The following FKBP9 variants were observed in gnomAD, a reference collection of about 807,000 sequenced individuals.
FKBP9 encodes the protein peptidyl-prolyl cis-trans isomerase FKBP9.
In FKBP9, 27 loss-of-function variants were observed where a neutral mutation model predicts 55.6. That is an observed-to-expected ratio of 0.49 (90% CI 0.36 to 0.67). FKBP9 has a LOEUF of 0.67. Ranked by LOEUF, FKBP9 falls within the 30% of genes least tolerant of loss-of-function variation. FKBP9 has a pLI of 0.00. For synonymous variants in FKBP9, 267 were observed against 296.5 expected, an observed-to-expected ratio of 0.90 and a Z score of 1.02; for missense variants, 539 against 742.8, an observed-to-expected ratio of 0.73 and a Z score of 3.19.
At chr7:32,985,178 CTT>C (rs1444286814) in intron 5 of FKBP9, among the ~76,000 whole-genome samples, 11 of 111,434 alleles carry the variant, frequency 9.9e-5, no homozygotes, top group Middle Eastern at 4.3e-3. Flanking sequence ...TTCTTTCTTT[CTT>C]TTTTTTTTTT....
chr7:32,972,726 C>G (rs1470235537), intron 1 of FKBP9, among the ~76,000 whole-genome samples: 6 of 151,698 alleles, frequency 4.0e-5, no homozygotes, highest in Non-Finnish European at 8.8e-5. Context: ...GTTCCCCCCC[C>G]ACCCTTTTTG....
chr7:33,000,448 C>T (rs1279873087), intron 8 of FKBP9, among the ~76,000 whole-genome samples, 188 bp downstream of exon 8: 8 of 152,112 alleles, frequency 5.3e-5, no homozygotes, highest in Non-Finnish European at 1.2e-4. Context: ...CAGTGAGCCA[C>T]GTCAATGCTC....
At chr7:32,957,978 C>G (rs73689271) in intron 1 of FKBP9, among the ~76,000 whole-genome samples, 184 bp downstream of exon 1, 2,124 of 152,350 alleles carry the variant, frequency 0.014, 50 homozygotes, top group African/African-American at 0.048. Context: ...CCGGCCCTCA[C>G]GTGCCCTAGG....
chr7:32,997,461 C>T (rs1477305254), intron 7 of FKBP9, among the ~76,000 whole-genome samples: 2 of 152,146 alleles, frequency 1.3e-5, no homozygotes, highest in Non-Finnish European at 2.9e-5. Context: ...AAATGATCCT[C>T]CCCTCTTGGC....
At chr7:32,983,850 C>A (rs757242785) in intron 5 of FKBP9, among the ~76,000 whole-genome samples, 8 of 152,164 alleles carry the variant, frequency 5.3e-5, no homozygotes, top group Non-Finnish European at 1.0e-4. Flanking sequence ...TGAGTACTTT[C>A]TTTTGTGAAC....
rs1282511961 is a variant in FKBP9, at chr7:33,005,288, T to C, written c.1650T>C (p.Asp550=). 1.9e-6 allele frequency: 3 copies of C among 1,613,998 alleles called. No individual in the cohort carries two copies. Among genetic ancestry groups the C allele is most frequent in the East Asian group, 4.5e-5 (2 of 44,876 alleles). The part of the protein sequence containing the change: ...NMFTNQDRNG[D]GKVTAEEFKL... ...TCACCAACCAGGACCGGAATGGAGA[T>C]GGGAAGGTCACAGCCGAGGAATTTA... The change falls in exon 10 of 10, where the codon GAT becomes GAC. Residue 550 remains aspartate (D), a synonymous_variant. Transcript: ENST00000242209.
Position 32,957,636 on chromosome 7 carries a change from C to T in FKBP9, c.63C>T (p.Thr21=), listed in dbSNP as rs775923992. The T allele has an allele frequency of 5.3e-6, 8 of 1,497,750 alleles. No homozygotes were observed. Among genetic ancestry groups the T allele is most frequent in the East Asian group, 2.8e-5 (1 of 35,428 alleles). The allele number at this position is 1,497,750 out of a possible 1,614,324, so 92.8% of individuals were successfully genotyped here. Reference sequence around the variant, plus strand: ...TGCTCCTGCTGCTGCTCTGGGTGACCGGGCAGGCAGCGCCCGTGGCGGGCC... The same window carrying T: ...TGCTCCTGCTGCTGCTCTGGGTGACTGGGCAGGCAGCGCCCGTGGCGGGCC... ...PPLLLLLLWV[T]GQAAPVAGLG... Residue 21 remains threonine (T), a synonymous_variant, in exon 1 of 10, where the codon ACC becomes ACT. Coordinates refer to ENST00000242209, the MANE Select transcript of FKBP9 (RefSeq NM_007270.5).
intron 8 of FKBP9, among the ~76,000 whole-genome samples, chr7:33,001,212 G>C (rs1023838016): frequency 1.3e-5 from 2 of 152,190 alleles, no homozygotes; most frequent in African/African-American, 4.8e-5. Context: ...AAAGTACATT[G>C]TTCTTCCTAC....
At position 32,974,666 on chromosome 7, in the gene FKBP9, A is replaced by T; in HGVS notation, c.271A>T (p.Ile91Phe). 1 of 1,613,920 alleles carries T rather than the reference A, an allele frequency of 6.2e-7. No individual in the cohort carries two copies. The highest frequency in any genetic ancestry group is 1.1e-5 in the South Asian group (1 of 91,076). The change falls in exon 2 of 10, where the codon ATC becomes TTC. Residue 91 changes from isoleucine (I) to phenylalanine (F), a missense_variant. Physicochemically the swap from Ile to Phe is conservative, Grantham distance 21. Around this residue, in one of 4 missense-constraint regions of FKBP9, gnomAD observed 236 missense variants for 271.5 expected, o/e 0.87. Transcript: ENST00000242209. ...TGTGTTTGTGGGAAAAGGACAGCTG[A>T]TCACAGGGATGGACCAGGCTCTTGT... The part of the protein sequence containing the change: ...FNVFVGKGQL[I>F]TGMDQALVGM...
intron 1 of FKBP9, among the ~76,000 whole-genome samples, chr7:32,971,540 G>A (rs1287838244): frequency 6.6e-6 from 1 of 151,856 alleles, no homozygotes; most frequent in Non-Finnish European, 1.5e-5. Context: ...GAGTGCCAGG[G>A]TATGATCTTG....
Position 33,002,833 on chromosome 7 carries a change from G to A in FKBP9, c.1530G>A (p.Leu510=), listed in dbSNP as rs1301854634. 1 of 1,613,306 alleles carries A rather than the reference G, an allele frequency of 6.2e-7. No individual in the cohort carries two copies. The highest frequency in any genetic ancestry group is 1.3e-5 in the African/African-American group (1 of 74,924). ...IDKDGNGEVL[L]EEFSEYIHAQ... The stretch of plus-strand genomic sequence containing the variant: ...AGGATGGCAACGGAGAAGTCCTCCT[G>A]GAAGAGGTAACTAACTGGCCTCTGT... Residue 510 remains leucine, a synonymous_variant, in exon 9 of 10, where the codon CTG becomes CTA. Coordinates refer to ENST00000242209, the MANE Select transcript of FKBP9 (RefSeq NM_007270.5).
rs1441633684 is a variant in FKBP9 at position 32,996,888 on chromosome 7, G to A, written c.1226+539G>A. Among the ~76,000 whole-genome samples, 15 of 140,782 alleles carry A rather than the reference G, an allele frequency of 1.1e-4. 1 individual carries two copies. Among genetic ancestry groups the A allele is most frequent in the Admixed American group, 8.5e-4 (11 of 12,992 alleles). The allele number at this position is 140,782 out of a possible 152,430, so 92.4% of individuals were successfully genotyped here. ...TGGCTCACTGCAAGCTCCGCTTCCC[G>A]GGTTCACGCCATTCTCCTGCCTCAG... On this transcript the variant is annotated intron_variant, in intron 7 of 9. Transcript: ENST00000242209.
chr7:32,966,913 C>G (rs549823224), intron 1 of FKBP9, among the ~76,000 whole-genome samples: 2 of 152,160 alleles, frequency 1.3e-5, no homozygotes, highest in African/African-American at 4.8e-5. Context: ...GGCCCCACCT[C>G]CAACACTGGG....
At chr7:32,983,607 G>A (rs981575801) in intron 5 of FKBP9, among the ~76,000 whole-genome samples, 7 of 152,158 alleles carry the variant, frequency 4.6e-5, no homozygotes, top group Admixed American at 1.3e-4. Context: ...GAGCCACTGC[G>A]CCCAGTGGTT....
intron 5 of FKBP9, among the ~76,000 whole-genome samples, chr7:32,985,278 C>T (rs1036482191): frequency 1.3e-5 from 2 of 151,340 alleles, no homozygotes; most frequent in Non-Finnish European, 1.5e-5. Context: ...CAGGTTCAAG[C>T]GATTCTCCTG....
rs1785021350 is a variant in FKBP9 at position 33,005,550 on chromosome 7, A to C, written c.*199A>C. On this transcript the variant is annotated 3_prime_UTR_variant, in exon 10 of 10. Transcript: ENST00000242209. ...TTTGGGCTGATCGCCAGTGATAGTA[A>C]ACAAAATCTGTGCAGAGGGCCTTAG... 2 of 587,074 alleles carry C rather than the reference A, an allele frequency of 3.4e-6. No individual in the cohort carries two copies. Among genetic ancestry groups the C allele is most frequent in the Non-Finnish European group, 3.1e-6 (1 of 327,316 alleles). 36.4% of individuals were successfully genotyped at this position (587,074 alleles called of 1,614,324 possible). A position where few individuals can be genotyped will look rare whatever the true frequency, so the allele number is the denominator to read the frequency against.
chr7:32,968,819 G>A (rs1784198949), intron 1 of FKBP9, among the ~76,000 whole-genome samples: 1 of 151,598 alleles, frequency 6.6e-6, no homozygotes, highest in Admixed American at 6.6e-5. Flanking sequence ...CACCATGCCT[G>A]GCTAATTTTT....
At chr7:32,974,255 C>T (rs1784314874) in intron 1 of FKBP9, among the ~76,000 whole-genome samples, 1 of 152,244 alleles carries the variant, frequency 6.6e-6, no homozygotes, top group East Asian at 1.9e-4. Flanking sequence ...TTCAACTTAA[C>T]TCCTCTTGCC....
Position 32,957,615 on chromosome 7 carries a change from C to A in FKBP9, c.42C>A (p.Leu14=). The A allele has an allele frequency of 6.7e-7, 1 of 1,485,076 alleles. No individual in the cohort carries two copies. The highest frequency in any genetic ancestry group is 1.3e-5 in the South Asian group (1 of 78,678). The allele number at this position is 1,485,076 out of a possible 1,614,324, so 92.0% of individuals were successfully genotyped here. A position where few individuals can be genotyped will look rare whatever the true frequency, so the allele number is the denominator to read the frequency against. The change falls in exon 1 of 10, where the codon CTC becomes CTA. Residue 14 remains leucine (L), a synonymous_variant. Transcript: ENST00000242209. ...GGAGGCCCCCGCCGCCACCGCTGCT[C>A]CTGCTGCTGCTCTGGGTGACCGGGC... ...RGWRPPPPPL[L]LLLLWVTGQA... is the part of the protein sequence containing the mutation.
Sources: allele counts gnomAD v4.1 joint callset (sites outside exome capture counted in the v4.1 genomes callset), GRCh38; gene constraint gnomAD v4.1.1; regional missense constraint gnomAD v4.1.1; transcripts MANE v1.5; gene names NCBI Gene and HGNC (gene_info 2026-07-23, HGNC 2026-07-21).